HSPA12B: variants seen among roughly 807,000 people sequenced by gnomAD.
HSPA12B encodes heat shock 70 kDa protein 12B.
A neutral mutation model predicts 69.3 loss-of-function variants in HSPA12B; 54 were observed. That is an observed-to-expected ratio of 0.78 (90% CI 0.63 to 0.98). The LOEUF is 0.98. Ranked by LOEUF, HSPA12B falls within the 50% of genes least tolerant of loss-of-function variation. The probability of loss-of-function intolerance (pLI) is 0.00; values close to 1 mark genes in which losing one functional copy is unlikely to be tolerated. For synonymous variants in HSPA12B, 441 were observed against 436.5 expected, an observed-to-expected ratio of 1.01 and a Z score of -0.13; for missense variants, 929 against 999.8, an observed-to-expected ratio of 0.93 and a Z score of 0.96.
Position 3,749,411 on chromosome 20 carries a change from T to A in HSPA12B, c.937+93T>A. The A allele has an allele frequency of 8.5e-7, 1 of 1,171,022 alleles. No individual in the cohort carries two copies. The highest frequency in any genetic ancestry group is 1.4e-5 in the South Asian group (1 of 73,372). The allele number at this position is 1,171,022 out of a possible 1,614,324, so 72.5% of individuals were successfully genotyped here. ...GGGCATGTTTGCAAAGCCCGTCTCTTCCTCCTCCATTCGCTGTACCCAACC... is the reference window on the plus strand; with the variant it reads ...GGGCATGTTTGCAAAGCCCGTCTCTACCTCCTCCATTCGCTGTACCCAACC... On this transcript the variant is annotated intron_variant, in intron 9 of 12. Coordinates refer to ENST00000254963, the MANE Select transcript of HSPA12B (RefSeq NM_052970.5). This position sits in a 1 kb window ranked among gnomAD's most constrained non-coding sequence, Gnocchi z 5.5.
At chr20:3,742,181 C>G (rs2146566959) in intron 3 of HSPA12B, 103 bp from the exon 4 acceptor site, 1 of 1,519,582 alleles carries the variant, frequency 6.6e-7, no homozygotes, top group Non-Finnish European at 8.9e-7. Flanking sequence ...GGACCACAGT[C>G]AGTGGAGGGG....
In HSPA12B at chr20:3,740,838, G is replaced by T. The variant is rs34414870; in HGVS notation, c.67G>T (p.Val23Leu). 1 of 1,613,832 alleles carries T rather than the reference G, an allele frequency of 6.2e-7. No individual in the cohort carries two copies. Among genetic ancestry groups the T allele is most frequent in the Non-Finnish European group, 8.5e-7 (1 of 1,179,976 alleles). The change falls in exon 3 of 13, where the codon GTG becomes TTG. Residue 23 changes from valine to leucine, a missense_variant. Val to Leu is a conservative substitution (Grantham distance 32). This residue lies in a region of HSPA12B where 477 missense variants were observed against 535.2 expected (regional missense o/e 0.89). Transcript: ENST00000254963. This position sits in a 1 kb window ranked among gnomAD's most constrained non-coding sequence, Gnocchi z 4.9. ...AGGCTCCAGCCCGGAGCGGTCCCCA[G>T]TGCCTAGCCCACCCGGCTCCCCGAG... Reference protein sequence around the residue: ...YIGSSPERSPVPSPPGSPRTQ... With the variant: ...YIGSSPERSPLPSPPGSPRTQ...
Position 3,744,915 on chromosome 20 carries a change from G to A in HSPA12B, c.280G>A (p.Gly94Arg), listed in dbSNP as rs775107642. 6.2e-7 allele frequency: 1 copy of A among 1,612,820 alleles called. No homozygotes were observed. The highest frequency in any genetic ancestry group is 8.5e-7 in the Non-Finnish European group (1 of 1,179,962). Residue 94 changes from glycine to arginine, a missense_variant, in exon 5 of 13, where the codon GGA becomes AGA. Gly to Arg is a moderately radical substitution (Grantham distance 125). This residue lies in a region of HSPA12B where 477 missense variants were observed against 535.2 expected (regional missense o/e 0.89). Coordinates refer to ENST00000254963, the MANE Select transcript of HSPA12B (RefSeq NM_052970.5). This position sits in a 1 kb window ranked among gnomAD's most constrained non-coding sequence, Gnocchi z 4.9. ...GTGCCTCCGCAGGAAATGGGAGGGC[G>A]GAGACCCGGGCGTGGCCCACCAGAA... is the stretch of plus-strand genomic sequence containing the variant. ...AIHMMRKWEG[G>R]DPGVAHQKTP...
At chr20:3,733,336 C>G (rs1184617259) in intron 1 of HSPA12B, among the ~76,000 whole-genome samples, 3 of 152,072 alleles carry the variant, frequency 2.0e-5, no homozygotes, top group African/African-American at 7.2e-5. Context: ...TGGAGCCTAT[C>G]TGTGAGGTTA....
rs867861528 is a variant in HSPA12B at position 3,751,576 on chromosome 20, G to T, written c.1471G>T (p.Glu491Ter). 1 of 1,497,070 alleles carries T rather than the reference G, an allele frequency of 6.7e-7. No individual in the cohort carries two copies. The highest frequency in any genetic ancestry group is 8.9e-7 in the Non-Finnish European group (1 of 1,125,678). The allele number at this position is 1,497,070 out of a possible 1,614,324, so 92.7% of individuals were successfully genotyped here. Residue 491 changes from glutamate (E) to a stop codon, truncating the protein, a stop_gained, in exon 13 of 13, where the codon GAG becomes TAG. Transcript: ENST00000254963. LOFTEE classifies it high-confidence loss of function. Reference sequence around the variant, plus strand: ...GCTGTTCCTAGTGGGCGGCTTCGCCGAGTCAGCGGTGCTGCAGCACGCGGT... The same window carrying T: ...GCTGTTCCTAGTGGGCGGCTTCGCCTAGTCAGCGGTGCTGCAGCACGCGGT... ...KLLFLVGGFA[E>*]SAVLQHAVQA...
Position 3,735,108 on chromosome 20 carries a change from G to A in HSPA12B, c.-18+2314G>A, listed in dbSNP as rs79285051. 2.5e-3 allele frequency among the ~76,000 whole-genome samples: 380 copies of A among 152,242 alleles called. 4 individuals carry two copies. Among genetic ancestry groups the A allele is most frequent in the Non-Finnish European group, 4.5e-3 (303 of 68,026 alleles). On this transcript the variant is annotated intron_variant, in intron 1 of 12. Transcript: ENST00000254963. ...CATGATGACTAGAATGCGATTCTCA[G>A]TAAGACCAAAATATCTAACAAGAAA...
intron 12 of HSPA12B, 159 bp from the exon 13 acceptor site, chr20:3,751,352 C>G (rs1381310494): frequency 1.0e-5 from 10 of 985,370 alleles, no homozygotes; most frequent in Non-Finnish European, 1.2e-5. Context: ...CGTGAGCTCT[C>G]AAAGAAAGTG....
Position 3,745,989 on chromosome 20 carries a change from G to A in HSPA12B, c.633G>A (p.Trp211Ter). The A allele has an allele frequency of 6.2e-7, 1 of 1,613,988 alleles. No individual in the cohort carries two copies. The highest frequency in any genetic ancestry group is 8.5e-7 in the Non-Finnish European group (1 of 1,179,976). The change falls in exon 7 of 13, where the codon TGG becomes TGA. Residue 211 changes from tryptophan (W) to a stop codon, truncating the protein, a stop_gained. Transcript: ENST00000254963. LOFTEE classifies it high-confidence loss of function. This position sits in a 1 kb window ranked among gnomAD's most constrained non-coding sequence, Gnocchi z 5.6. ...GGGTGTTGACGGTGCCTGCCATCTG[G>A]AAACAGCCAGCCAAGCAGTTCATGC... Reference protein sequence around the residue: ...VRWVLTVPAIWKQPAKQFMRE... With the variant: ...VRWVLTVPAI
At chr20:3,733,418 G>T (rs1165416737) in intron 1 of HSPA12B, among the ~76,000 whole-genome samples, 1 of 152,168 alleles carries the variant, frequency 6.6e-6, no homozygotes. Flanking sequence ...CAGACGCAGC[G>T]CAGGAATCCC....
Position 3,740,939 on chromosome 20 carries a change from T to G in HSPA12B, c.141+27T>G, listed in dbSNP as rs1439646269. On this transcript the variant is annotated intron_variant, in intron 3 of 12. Coordinates refer to ENST00000254963, the MANE Select transcript of HSPA12B (RefSeq NM_052970.5). The surrounding 1 kb of genome is among the most constrained non-coding windows in gnomAD (Gnocchi z 4.9). ...TAAGCCCAGAGCAGGGACCAGGTGG[T>G]GGGTGACCTGGCTGGTGTGGACAGG... 6.3e-7 allele frequency: 1 copy of G among 1,584,650 alleles called. No homozygotes were observed. The highest frequency in any genetic ancestry group is 1.3e-5 in the African/African-American group (1 of 74,270).
intron 1 of HSPA12B, among the ~76,000 whole-genome samples, chr20:3,734,944 C>T (rs2088086176): frequency 6.6e-6 from 1 of 151,832 alleles, no homozygotes; most frequent in Non-Finnish European, 1.5e-5. Flanking sequence ...TTTGCTGTTG[C>T]CCAGGCTGGT....
chr20:3,750,464 G>A (rs542075609), intron 11 of HSPA12B, among the ~76,000 whole-genome samples: 24 of 152,222 alleles, frequency 1.6e-4, no homozygotes, highest in African/African-American at 1.4e-4. Context: ...ATCATAGCGG[G>A]GAGGCGGCAA....
At position 3,744,018 on chromosome 20, in the gene HSPA12B, G is replaced by A. The variant is rs2088253534; in HGVS notation, c.267-884G>A. On this transcript the variant is annotated intron_variant, in intron 4 of 12. Coordinates refer to ENST00000254963, the MANE Select transcript of HSPA12B (RefSeq NM_052970.5). This position sits in a 1 kb window ranked among gnomAD's most constrained non-coding sequence, Gnocchi z 4.9. ...CATTCAAATGTTGGGTTTTATGTGG[G>A]ACCTCAAGGACCTTGGGACCTCAAG... Among the ~76,000 whole-genome samples, 1 of 152,112 alleles carries A rather than the reference G, an allele frequency of 6.6e-6. No homozygotes were observed. Among genetic ancestry groups the A allele is most frequent in the Admixed American group, 6.5e-5 (1 of 15,280 alleles).
At position 3,752,285 on chromosome 20, in the gene HSPA12B, C is replaced by A; in HGVS notation, c.*119C>A. 2.0e-6 allele frequency: 2 copies of A among 978,080 alleles called. No homozygotes were observed. Among genetic ancestry groups the A allele is most frequent in the Non-Finnish European group, 2.8e-6 (2 of 710,836 alleles). 60.6% of individuals were successfully genotyped at this position (978,080 alleles called of 1,614,324 possible). On this transcript the variant is annotated 3_prime_UTR_variant, in exon 13 of 13. Coordinates refer to ENST00000254963, the MANE Select transcript of HSPA12B (RefSeq NM_052970.5). The stretch of plus-strand genomic sequence containing the variant: ...GTTCTGCAGTCTGCGCCTTTCCACG[C>A]CCTCCAGCCCCGGGGGAGATAAGGT...
At chr20:3,742,086 C>T (rs79793204) in intron 3 of HSPA12B, among the ~76,000 whole-genome samples, 198 bp from the exon 4 acceptor site, 7,070 of 152,044 alleles carry the variant, frequency 0.046, 215 homozygotes, top group African/African-American at 0.076. Context: ...CTGAGAGACA[C>T]GTCCAAGGCT....
At chr20:3,734,152 A>G (rs935092953) in intron 1 of HSPA12B, among the ~76,000 whole-genome samples, 6 of 152,190 alleles carry the variant, frequency 3.9e-5, no homozygotes, top group African/African-American at 1.2e-4. Flanking sequence ...TAGGCAACAG[A>G]GCAAGACCCT....
In HSPA12B at chr20:3,749,755, C is replaced by T. The variant is rs1435849579; in HGVS notation, c.943C>T (p.Arg315Cys). ...GCCCGCGCTCGCCGCCGCAGGAGAC[C>T]GCTACGTGGTGGCCGACTGCGGCGG... ...ELWAEMQAGD[R>C]YVVADCGGGT... The change falls in exon 10 of 13, where the codon CGC becomes TGC. Residue 315 changes from arginine (R) to cysteine (C), a missense_variant. Transcript: ENST00000254963. The surrounding 1 kb of genome is among the most constrained non-coding windows in gnomAD (Gnocchi z 5.5). 4 of 1,592,438 alleles carry T rather than the reference C, an allele frequency of 2.5e-6. No homozygotes were observed. The highest frequency in any genetic ancestry group is 1.1e-5 in the South Asian group (1 of 88,546).
chr20:3,749,893 C>T lies in HSPA12B; in HGVS notation c.1042+39C>T, dbSNP rs750755788. 31 of 1,539,572 alleles carry T rather than the reference C, an allele frequency of 2.0e-5. No homozygotes were observed. The highest frequency in any genetic ancestry group is 1.4e-5 in the African/African-American group (1 of 73,034). ...CGGCGCCCCGGTACCCAGCGCGACC[C>T]GGGCTCCGGCCCCGCCACTGCCCCC... On this transcript the variant is annotated intron_variant, in intron 10 of 12. Transcript: ENST00000254963. The surrounding 1 kb of genome is among the most constrained non-coding windows in gnomAD (Gnocchi z 5.5).
chr20:3,748,172 G>T, intron 7 of HSPA12B, 45 bp from the exon 8 acceptor site: 1 of 1,455,346 alleles, frequency 6.9e-7, no homozygotes, highest in South Asian at 1.4e-5. Flanking sequence ...TCTTAGGTGT[G>T]ACAGCCCACA....
Sources: allele counts gnomAD v4.1 joint callset (sites outside exome capture counted in the v4.1 genomes callset), GRCh38; gene constraint gnomAD v4.1.1; regional missense constraint gnomAD v4.1.1; non-coding constraint Gnocchi (gnomAD v3.1); transcripts MANE v1.5; gene names NCBI Gene and HGNC (gene_info 2026-07-23, HGNC 2026-07-21).